CACNA1C: variants seen among roughly 807,000 people sequenced by gnomAD.
The protein encoded by CACNA1C is calcium voltage-gated channel subunit alpha1 C, also known as voltage-dependent L-type calcium channel subunit alpha-1C.
A neutral mutation model predicts 229.0 loss-of-function variants in CACNA1C; 30 were observed. The ratio of observed to expected loss-of-function variants is 0.13; its 90% CI spans 0.10 to 0.18. The LOEUF is 0.18. CACNA1C is among the 10% of genes least tolerant of loss of function. The probability of loss-of-function intolerance (pLI) is 1.00; values close to 1 mark genes in which losing one functional copy is unlikely to be tolerated. For missense variants in CACNA1C, 1,658 were observed against 2,845.0 expected, an observed-to-expected ratio of 0.58 and a Z score of 9.49; for synonymous variants, 1,114 against 1,132.5, an observed-to-expected ratio of 0.98 and a Z score of 0.33.
At chr12:2,032,105 C>T (rs1407723710) in intron 1 of CACNA1C, among the ~76,000 whole-genome samples, 13 of 151,686 alleles carry the variant, frequency 8.6e-5, no homozygotes, top group Admixed American at 5.9e-4. Context: ...GTGGCTCACA[C>T]GTGAGTGGGA....
chr12:2,103,673 T>C (rs561627437), intron 1 of CACNA1C, among the ~76,000 whole-genome samples: 12 of 152,362 alleles, frequency 7.9e-5, no homozygotes, highest in African/African-American at 2.9e-4. Flanking sequence ...CTTAATGGTA[T>C]TGCCTAGGTT....
intron 3 of CACNA1C, among the ~76,000 whole-genome samples, chr12:2,256,413 A>T (rs2077861965): frequency 6.6e-6 from 1 of 152,198 alleles, no homozygotes; most frequent in African/African-American, 2.4e-5. Flanking sequence ...TTTTCCCCTT[A>T]TTCTGATGGT....
chr12:2,185,995 CG>C (rs956990448), intron 3 of CACNA1C, among the ~76,000 whole-genome samples: 7 of 152,138 alleles, frequency 4.6e-5, no homozygotes, highest in African/African-American at 1.4e-4. Context: ...GGGCACGGAT[CG>C]TTTCCTGGCC....
At chr12:2,367,195 A>G (rs2097747762) in intron 3 of CACNA1C, among the ~76,000 whole-genome samples, 1 of 152,218 alleles carries the variant, frequency 6.6e-6, no homozygotes, top group South Asian at 2.1e-4. Context: ...ATTCTCATAA[A>G]GAGCATGCAA....
At chr12:2,229,196 G>GTTTCAGT (rs2063949259) in intron 3 of CACNA1C, among the ~76,000 whole-genome samples, 1 of 152,150 alleles carries the variant, frequency 6.6e-6, no homozygotes, top group South Asian at 2.1e-4. Flanking sequence ...CCAAGCTTTA[G>GTTTCAGT]TTTCAGTTTT....
chr12:2,190,690 A>G (rs2097183999), intron 3 of CACNA1C, among the ~76,000 whole-genome samples: 1 of 152,234 alleles, frequency 6.6e-6, no homozygotes, highest in Admixed American at 6.5e-5. Flanking sequence ...AGAGGAGCAC[A>G]GTGCTCTGAG....
chr12:2,582,958 G>A lies in CACNA1C; in HGVS notation c.2224+16G>A, dbSNP rs1046592096. ...TGTGGAAACTGTATCCTTTGCTGCT[G>A]CCCCCCACCCCTGCGGCCCCCAGCC... On this transcript the variant is annotated intron_variant, in intron 15 of 46. Transcript: ENST00000399655. The A allele has an allele frequency of 2.4e-5, 37 of 1,542,882 alleles. No individual in the cohort carries two copies. The highest frequency in any genetic ancestry group is 3.1e-5 in the Non-Finnish European group (35 of 1,140,290).
At position 2,633,667 on chromosome 12, in the gene CACNA1C, C is replaced by T. The variant is rs779854935; in HGVS notation, c.3829-630C>T. On this transcript the variant is annotated intron_variant, in intron 29 of 46. Coordinates refer to ENST00000399655, the MANE Select transcript of CACNA1C (RefSeq NM_000719.7). The surrounding 1 kb of genome is among the most constrained non-coding windows in gnomAD (Gnocchi z 5.8). Reference sequence around the variant, plus strand: ...ATCCCTGGAATGTTTTTGACTTCCTCATCGTAATTGGCAGCATAATTGACG... The same window carrying T: ...ATCCCTGGAATGTTTTTGACTTCCTTATCGTAATTGGCAGCATAATTGACG... The T allele has an allele frequency of 1.2e-6, 2 of 1,611,314 alleles. No individual in the cohort carries two copies. The highest frequency in any genetic ancestry group is 1.3e-5 in the African/African-American group (1 of 74,972).
intron 3 of CACNA1C, among the ~76,000 whole-genome samples, chr12:2,297,724 ATCTATAT>A (rs2094186017): frequency 6.6e-6 from 1 of 152,228 alleles, no homozygotes; most frequent in African/African-American, 2.4e-5. Flanking sequence ...ATAAACATGC[ATCTATAT>A]TATATATGTG....
chr12:2,335,118 A>ATTT (rs2096652751), intron 3 of CACNA1C, among the ~76,000 whole-genome samples: 1 of 152,034 alleles, frequency 6.6e-6, no homozygotes, highest in African/African-American at 2.4e-5. Context: ...TCAGCCACAC[A>ATTT]TAGTGCCATT....
At chr12:2,478,662 G>T (rs1386420024) in intron 5 of CACNA1C, among the ~76,000 whole-genome samples, 1 of 152,188 alleles carries the variant, frequency 6.6e-6, no homozygotes, top group Non-Finnish European at 1.5e-5. Flanking sequence ...AACTTTATGG[G>T]ATAGGTAAAC....
chr12:2,682,128 C>A, intron 42 of CACNA1C: 2 of 871,006 alleles, frequency 2.3e-6, no homozygotes, highest in Non-Finnish European at 3.7e-6. Context: ...AATAAGAGGC[C>A]AAGGACTTCT....
intron 4 of CACNA1C, among the ~76,000 whole-genome samples, chr12:2,449,996 A>T (rs1230758748): frequency 2.0e-5 from 3 of 152,138 alleles, no homozygotes; most frequent in Non-Finnish European, 2.9e-5. Flanking sequence ...AGACAGGTGG[A>T]TGAGAAGGAA....
chr12:2,239,638 C>T (rs1170291649), intron 3 of CACNA1C, among the ~76,000 whole-genome samples: 3 of 152,186 alleles, frequency 2.0e-5, no homozygotes, highest in South Asian at 2.1e-4. Context: ...TCGCCTCCCA[C>T]GCTGTCCCCC....
At chr12:2,667,476 C>T (rs1015118423) in intron 37 of CACNA1C, among the ~76,000 whole-genome samples, 11 of 152,222 alleles carry the variant, frequency 7.2e-5, no homozygotes, top group African/African-American at 2.4e-4. Context: ...GAACCTTCTA[C>T]TTGTGCTCTG....
At chr12:1,989,800 T>G (rs183014512) in intron 1 of CACNA1C, among the ~76,000 whole-genome samples, 1 of 152,376 alleles carries the variant, frequency 6.6e-6, no homozygotes, top group Admixed American at 6.5e-5. Context: ...TATTTCCATA[T>G]GCTAATATCT....
chr12:2,313,869 G>A (rs970097377), intron 3 of CACNA1C, among the ~76,000 whole-genome samples: 2 of 152,220 alleles, frequency 1.3e-5, no homozygotes, highest in African/African-American at 4.8e-5. Flanking sequence ...CCCCTGAGAT[G>A]ATCTATCGCC....
intron 5 of CACNA1C, among the ~76,000 whole-genome samples, chr12:2,458,675 C>T (rs538966157): frequency 2.4e-4 from 36 of 152,280 alleles, no homozygotes; most frequent in Admixed American, 9.2e-4. Flanking sequence ...AGAGGACCTC[C>T]GAATGCACAG....
upstream of CACNA1C, among the ~76,000 whole-genome samples, chr12:2,052,047 GA>G (rs140374033): frequency 4.0e-3 from 615 of 152,310 alleles, 6 homozygotes; most frequent in African/African-American, 0.014. Context: ...CACTGGAGGG[GA>G]GCCCGGTCCT....
Sources: gnomAD v4.1 joint callset for allele counts (sites outside exome capture counted in the v4.1 genomes callset) on GRCh38, gnomAD v4.1.1 for gene constraint, Gnocchi (gnomAD v3.1) non-coding constraint, MANE v1.5 for transcripts, NCBI Gene and HGNC (gene_info 2026-07-23, HGNC 2026-07-21) for gene names.